The following TOP3A variants were observed in gnomAD, a reference collection of about 807,000 sequenced individuals.
The protein encoded by TOP3A is DNA topoisomerase 3-alpha.
Under a neutral mutation model 111.3 loss-of-function variants are expected in TOP3A, and 64 were observed. That is an observed-to-expected ratio of 0.57 (90% CI 0.47 to 0.71). The LOEUF (loss-of-function observed/expected upper bound fraction) is 0.71. Among genes scored for constraint, TOP3A ranks in the 30% least tolerant of loss-of-function variants. The probability of loss-of-function intolerance (pLI) is 0.00; values close to 1 mark genes in which losing one functional copy is unlikely to be tolerated. For missense variants in TOP3A, 1,104 were observed against 1,285.0 expected, an observed-to-expected ratio of 0.86 and a Z score of 2.15; for synonymous variants, 484 against 485.1, an observed-to-expected ratio of 1.00 and a Z score of 0.03.
chr17:18,302,689 G>A lies in TOP3A; in HGVS notation c.534C>T (p.Phe178=). Residue 178 remains phenylalanine, a synonymous_variant, in exon 6 of 19, where the codon TTC becomes TTT. Coordinates refer to ENST00000321105, the MANE Select transcript of TOP3A (RefSeq NM_004618.5). ...TGACGGCATGGGGTGTGATCTCAGA[G>A]AATCGGGCTCGCAACACCTGCAGAT... ...KPNLQVLRAR[F]SEITPHAVRT... 6.2e-7 allele frequency: 1 copy of A among 1,614,106 alleles called. No homozygotes were observed. Among genetic ancestry groups the A allele is most frequent in the South Asian group, 1.1e-5 (1 of 91,082 alleles).
chr17:18,276,665 G>C (rs920557112), intron 18 of TOP3A, among the ~76,000 whole-genome samples: 1 of 152,198 alleles, frequency 6.6e-6, no homozygotes, highest in Admixed American at 6.5e-5. Context: ...AACCAGATTT[G>C]CTCAACTCCA....
Position 18,302,049 on chromosome 17 carries a change from G to A in TOP3A, c.815-64C>T, listed in dbSNP as rs1265210880. On this transcript the variant is annotated intron_variant, in intron 7 of 18. Coordinates refer to ENST00000321105, the MANE Select transcript of TOP3A (RefSeq NM_004618.5). The stretch of plus-strand genomic sequence containing the variant: ...GAGACATGTCATGATATGACAGATA[G>A]AAAAAGGTTTATTGTGGTGAAAGTC... 7.2e-6 allele frequency: 11 copies of A among 1,518,864 alleles called. 1 individual carries two copies. Among genetic ancestry groups the A allele is most frequent in the Non-Finnish European group, 1.0e-5 (11 of 1,105,316 alleles). The allele number at this position is 1,518,864 out of a possible 1,614,324, so 94.1% of individuals were successfully genotyped here.
chr17:18,281,207 C>G (rs1243670697), intron 16 of TOP3A, among the ~76,000 whole-genome samples: 1 of 152,178 alleles, frequency 6.6e-6, no homozygotes, highest in Non-Finnish European at 1.5e-5. Flanking sequence ...TAGGGTTTGA[C>G]TAGCTAATAT....
chr17:18,309,635 CTG>C (rs1408461710), intron 1 of TOP3A, among the ~76,000 whole-genome samples: 1 of 151,304 alleles, frequency 6.6e-6, no homozygotes, highest in African/African-American at 2.4e-5. Flanking sequence ...CAGAGCGAGA[CTG>C]TCTCAAAAAA....
intron 18 of TOP3A, among the ~76,000 whole-genome samples, chr17:18,275,709 A>C (rs1352630176): frequency 7.3e-6 from 1 of 137,698 alleles, no homozygotes; most frequent in Non-Finnish European, 1.5e-5. Context: ...GCTGGAATGC[A>C]GTGGTGCAAT....
In TOP3A at chr17:18,302,384, C is replaced by T. The variant is rs1158399943; in HGVS notation, c.694G>A (p.Glu232Lys). The part of the protein sequence containing the change: ...QTLRLQRIFP[E>K]VLAEQLISYG... ...CTGATGAGCTGCTCTGCCAGCACCT[C>T]AGGAAAAATCCTCTGAAGCCGCAGG... Residue 232 changes from glutamate to lysine, a missense_variant, in exon 7 of 19, where the codon GAG becomes AAG. By Grantham distance (56) the Glu-to-Lys change is moderately conservative. Coordinates refer to ENST00000321105, the MANE Select transcript of TOP3A (RefSeq NM_004618.5). 1.9e-6 allele frequency: 3 copies of T among 1,613,218 alleles called. No homozygotes were observed.
chr17:18,302,470 G>A (rs966821743), intron 6 of TOP3A, 36 bp from the exon 7 acceptor site: 3 of 1,596,170 alleles, frequency 1.9e-6, no homozygotes, highest in Non-Finnish European at 1.7e-6. Context: ...AGGTGAAAAT[G>A]ATGGATAATG....
At chr17:18,295,007 G>A (rs1198347693) in intron 9 of TOP3A, among the ~76,000 whole-genome samples, 1 of 152,202 alleles carries the variant, frequency 6.6e-6, no homozygotes, top group Non-Finnish European at 1.5e-5. Context: ...ACTCAACTGG[G>A]AAGCCAGCAG....
chr17:18,306,985 C>CA lies in TOP3A; in HGVS notation c.315-20dup, dbSNP rs780160465. On this transcript the variant is annotated intron_variant, in intron 3 of 18. Coordinates refer to ENST00000321105, the MANE Select transcript of TOP3A (RefSeq NM_004618.5). Reference sequence around the variant, plus strand: ...GCTCTGCCTAGAAAAGAAATGAAAACAGAGTCCCAACTCAGTACATGACAG... The same window carrying CA: ...GCTCTGCCTAGAAAAGAAATGAAAACAAGAGTCCCAACTCAGTACATGACAG... 5.0e-6 allele frequency: 8 copies of CA among 1,593,470 alleles called. No homozygotes were observed. Among genetic ancestry groups the CA allele is most frequent in the Admixed American group, 1.7e-5 (1 of 59,862 alleles).
At chr17:18,294,074 G>A (rs755773252) in intron 10 of TOP3A, among the ~76,000 whole-genome samples, 48 of 152,322 alleles carry the variant, frequency 3.2e-4, no homozygotes, top group Non-Finnish European at 6.3e-4. Flanking sequence ...GTGCTGGGGT[G>A]TATATGACTG....
In TOP3A at chr17:18,278,109, G is replaced by T; in HGVS notation, c.2393C>A (p.Thr798Asn). ...ACCAGCAGCCGTGGGTGGTGGGAGG[G>T]TCTGGGCCAGAGCCTTTGAGGACCC... The part of the protein sequence containing the change: ...QTGSSKALAQ[T>N]LPPPTAAGES... Residue 798 changes from threonine (T) to asparagine (N), a missense_variant, in exon 18 of 19, where the codon ACC becomes AAC. Physicochemically the swap from Thr to Asn is moderately conservative, Grantham distance 65. Transcript: ENST00000321105. 1.9e-6 allele frequency: 3 copies of T among 1,614,238 alleles called. No individual in the cohort carries two copies. Among genetic ancestry groups the T allele is most frequent in the Non-Finnish European group, 2.5e-6 (3 of 1,180,042 alleles).
intron 10 of TOP3A, 124 bp downstream of exon 10, chr17:18,294,579 C>T (rs938052086): frequency 8.8e-6 from 6 of 683,114 alleles, no homozygotes; most frequent in South Asian, 1.8e-5. Context: ...CTGCCCGCCT[C>T]AGCCACCCAA....
Position 18,271,929 on chromosome 17 carries a change from G to A in TOP3A, c.*2873C>T. ...AATACTAAACAAATTAGCTGGGTGTGGAGGCAGATGCCTGTAATTCCAGCT... is the reference window on the plus strand; with the variant it reads ...AATACTAAACAAATTAGCTGGGTGTAGAGGCAGATGCCTGTAATTCCAGCT... On this transcript the variant is annotated 3_prime_UTR_variant, in exon 19 of 19. Transcript: ENST00000321105. The A allele has an allele frequency of 9.9e-6, 3 of 301,690 alleles. No individual in the cohort carries two copies. In the Middle Eastern group the frequency reaches 1.6e-3, roughly 163 times the overall value. 18.7% of individuals were successfully genotyped at this position (301,690 alleles called of 1,614,324 possible).
chr17:18,291,408 AGTAATTTTCAGG>A (rs1373154412), intron 11 of TOP3A, among the ~76,000 whole-genome samples: 1 of 152,272 alleles, frequency 6.6e-6, no homozygotes, highest in African/African-American at 2.4e-5. Flanking sequence ...ACATTTAAGC[AGTAATTTTCAGG>A]GTAATTTTCA....
At position 18,299,448 on chromosome 17, in the gene TOP3A, C is replaced by T. The variant is rs562901334; in HGVS notation, c.990+111G>A. 23 of 908,304 alleles carry T rather than the reference C, an allele frequency of 2.5e-5. No individual in the cohort carries two copies. In the East Asian group the frequency reaches 5.4e-4, roughly 21 times the overall value. 56.3% of individuals were successfully genotyped at this position (908,304 alleles called of 1,614,324 possible). A position where few individuals can be genotyped will look rare whatever the true frequency, so the allele number is the denominator to read the frequency against. On this transcript the variant is annotated intron_variant, in intron 9 of 18. Coordinates refer to ENST00000321105, the MANE Select transcript of TOP3A (RefSeq NM_004618.5). ...TTTCTCCAGTGTTTTCTTGTGTGGC[C>T]TGGTGATGGGTGATATTTTCTTCCA...
chr17:18,290,676 A>G lies in TOP3A; in HGVS notation c.1478T>C (p.Val493Ala), dbSNP rs1364929234. The G allele has an allele frequency of 6.2e-7, 1 of 1,602,842 alleles. No individual in the cohort carries two copies. Among genetic ancestry groups the G allele is most frequent in the African/African-American group, 1.3e-5 (1 of 74,712 alleles). The change falls in exon 13 of 19, where the codon GTC becomes GCC. Residue 493 changes from valine (V) to alanine (A), a missense_variant. By Grantham distance (64) the Val-to-Ala change is moderately conservative (BLOSUM62 0). Transcript: ENST00000321105. ...CTGAAAGTGGGATCCTTGCTCATAG[A>G]CAGGGAGGATCTACAGGGAGCGGCA... is the stretch of plus-strand genomic sequence containing the variant. ...YDHWSDKILP[V>A]YEQGSHFQPS...
At position 18,272,412 on chromosome 17, in the gene TOP3A, A is replaced by G. The variant is rs1028413018; in HGVS notation, c.*2390T>C. Among the ~76,000 whole-genome samples, 1 of 152,256 alleles carries G rather than the reference A, an allele frequency of 6.6e-6. No homozygotes were observed. Among genetic ancestry groups the G allele is most frequent in the African/African-American group, 2.4e-5 (1 of 41,468 alleles). On this transcript the variant is annotated 3_prime_UTR_variant, in exon 19 of 19. Coordinates refer to ENST00000321105, the MANE Select transcript of TOP3A (RefSeq NM_004618.5). Reference sequence around the variant, plus strand: ...ACATGGAGTTATGGTATAAAACTACAATTCCATTCCTCGGCATATGCCCAA... The same window carrying G: ...ACATGGAGTTATGGTATAAAACTACGATTCCATTCCTCGGCATATGCCCAA...
At chr17:18,303,073 G>A (rs562172137) in intron 5 of TOP3A, 10 of 198,624 alleles carry the variant, frequency 5.0e-5, no homozygotes, top group African/African-American at 1.9e-4. Flanking sequence ...TTGAGATGCT[G>A]TTAATAATCT....
intron 1 of TOP3A, 28 bp downstream of exon 1, chr17:18,314,571 C>G (rs1339040241): frequency 6.3e-7 from 1 of 1,588,844 alleles, no homozygotes; most frequent in Non-Finnish European, 8.6e-7. Flanking sequence ...CCTTAAGGCA[C>G]GCAGCTGATC....
Sources: gnomAD v4.1 joint callset for allele counts (sites outside exome capture counted in the v4.1 genomes callset) on GRCh38, gnomAD v4.1.1 for gene constraint, MANE v1.5 for transcripts, NCBI Gene and HGNC (gene_info 2026-07-23, HGNC 2026-07-21) for gene names.